Variants in STEAP1B observed in about 807,000 individuals in gnomAD.
STEAP1B encodes STEAP family member 1B.
In STEAP1B, 13 loss-of-function variants were observed where a neutral mutation model predicts 27.9. The observed-to-expected ratio is 0.47, with a 90% CI of 0.30 to 0.74. The LOEUF is 0.74. Among genes scored for constraint, STEAP1B ranks in the 30% least tolerant of loss-of-function variants. The pLI is 0.06. For missense variants in STEAP1B, 250 were observed against 298.7 expected (o/e 0.84, Z 1.20); for synonymous variants, 86 against 107.1 (o/e 0.80, Z 1.22).
intron 4 of STEAP1B, among the ~76,000 whole-genome samples, chr7:22,435,500 C>A (rs1184026335): frequency 6.6e-6 from 1 of 152,068 alleles, no homozygotes; most frequent in African/African-American, 2.4e-5. Context: ...TATTGACAAC[C>A]CTCCATCAGT....
chr7:22,467,638 T>C (rs1047140495), intron 4 of STEAP1B, among the ~76,000 whole-genome samples: 1 of 152,200 alleles, frequency 6.6e-6, no homozygotes, highest in African/African-American at 2.4e-5. Context: ...GATCATTTTA[T>C]AAGGGGAAAC....
chr7:22,477,360 T>A (rs576362558), intron 4 of STEAP1B, among the ~76,000 whole-genome samples: 1 of 152,200 alleles, frequency 6.6e-6, no homozygotes, highest in East Asian at 1.9e-4. Flanking sequence ...ACCCAACTCT[T>A]TCCCCCTCCA....
chr7:22,460,738 A>G (rs1398050389), intron 4 of STEAP1B, among the ~76,000 whole-genome samples: 1 of 152,202 alleles, frequency 6.6e-6, no homozygotes, highest in Non-Finnish European at 1.5e-5. Flanking sequence ...ACCAAAAGCC[A>G]TCACACTCAC....
At chr7:22,443,154 A>C (rs1413567574) in intron 4 of STEAP1B, among the ~76,000 whole-genome samples, 2 of 152,190 alleles carry the variant, frequency 1.3e-5, no homozygotes, top group Non-Finnish European at 2.9e-5. Flanking sequence ...GTTTACCACA[A>C]TAAATCTCCT....
chr7:22,424,636 T>A (rs1785083956), intron 4 of STEAP1B, among the ~76,000 whole-genome samples: 1 of 152,166 alleles, frequency 6.6e-6, no homozygotes, highest in Non-Finnish European at 1.5e-5. Context: ...TTTGGCTAAA[T>A]AATTCCACTA....
chr7:22,474,847 C>T (rs1484213645), intron 4 of STEAP1B, among the ~76,000 whole-genome samples: 1 of 152,180 alleles, frequency 6.6e-6, no homozygotes, highest in East Asian at 1.9e-4. Context: ...TGGACAGCTC[C>T]CATTCCAGTG....
At chr7:22,467,559 A>G (rs2128409754) in intron 4 of STEAP1B, among the ~76,000 whole-genome samples, 1 of 152,292 alleles carries the variant, frequency 6.6e-6, no homozygotes, top group Non-Finnish European at 1.5e-5. Flanking sequence ...CCAGTGGGAG[A>G]TAATTGAATT....
intron 4 of STEAP1B, 30 bp downstream of exon 4, chr7:22,492,535 C>T (rs1242543373): frequency 7.8e-6 from 12 of 1,542,500 alleles, no homozygotes; most frequent in Non-Finnish European, 1.0e-5. Flanking sequence ...AGAAGATTTA[C>T]CTCTTAGGGT....
At chr7:22,454,139 G>T (rs1785533076) in intron 4 of STEAP1B, among the ~76,000 whole-genome samples, 1 of 152,298 alleles carries the variant, frequency 6.6e-6, no homozygotes, top group East Asian at 1.9e-4. Flanking sequence ...AATAACAAGG[G>T]ATTGGCTAGT....
chr7:22,496,717 G>A (rs1786448339), intron 1 of STEAP1B, among the ~76,000 whole-genome samples: 1 of 152,136 alleles, frequency 6.6e-6, no homozygotes, highest in Admixed American at 6.5e-5. Context: ...TATGTAGGAG[G>A]CTGTACCATC....
chr7:22,463,567 T>A (rs1735752312), intron 4 of STEAP1B, among the ~76,000 whole-genome samples: 1 of 152,190 alleles, frequency 6.6e-6, no homozygotes, highest in African/African-American at 2.4e-5. Flanking sequence ...ACTACAAGGC[T>A]ACGGTACCCA....
intron 4 of STEAP1B, among the ~76,000 whole-genome samples, chr7:22,450,094 T>C (rs1375709746): frequency 6.6e-6 from 1 of 152,232 alleles, no homozygotes; most frequent in Non-Finnish European, 1.5e-5. Context: ...GTGGGTTGTC[T>C]TTTTGTTGTG....
At chr7:22,470,209 C>A (rs1472026905) in intron 4 of STEAP1B, among the ~76,000 whole-genome samples, 1 of 152,012 alleles carries the variant, frequency 6.6e-6, no homozygotes, top group Admixed American at 6.6e-5. Context: ...TCTTGTGGTG[C>A]AGGAAGTAAA....
At chr7:22,419,962 AG>A in intron 4 of STEAP1B, 126 bp from the exon 5 acceptor site, 1 of 1,128,060 alleles carries the variant, frequency 8.9e-7, no homozygotes, top group Non-Finnish European at 1.2e-6. Context: ...TAAAGTCACC[AG>A]GGAGTCAGGG....
At chr7:22,438,104 T>C (rs1156230140) in intron 4 of STEAP1B, among the ~76,000 whole-genome samples, 1 of 152,222 alleles carries the variant, frequency 6.6e-6, no homozygotes, top group Non-Finnish European at 1.5e-5. Context: ...AGAAGGTTTT[T>C]ACTTTACCTG....
At chr7:22,458,431 G>C (rs994694955) in intron 4 of STEAP1B, among the ~76,000 whole-genome samples, 7 of 151,784 alleles carry the variant, frequency 4.6e-5, no homozygotes, top group African/African-American at 1.7e-4. Context: ...GTGGCCTGAA[G>C]CCACTTATAC....
intron 4 of STEAP1B, among the ~76,000 whole-genome samples, chr7:22,441,578 C>T (rs970486537): frequency 3.3e-5 from 5 of 152,210 alleles, no homozygotes; most frequent in South Asian, 2.1e-4. Flanking sequence ...GACTCTGTAC[C>T]GCTCTCCAAA....
Position 22,486,018 on chromosome 7 carries a change from ACT to A in STEAP1B, c.762+6545_762+6546del, listed in dbSNP as rs113580103. 2.9e-4 allele frequency among the ~76,000 whole-genome samples: 44 copies of A among 152,290 alleles called. 1 individual carries two copies. The highest frequency in any genetic ancestry group is 3.4e-3 in the Middle Eastern group (1 of 294). ...TGCCTGGCATACGTAAGCCTGCCAC[ACT>A]CAGTGGTTCTCAAACTCGGTTGCAC... On this transcript the variant is annotated intron_variant, in intron 4 of 4. Coordinates refer to ENST00000678116, the MANE Select transcript of STEAP1B (RefSeq NM_001382447.1).
intron 4 of STEAP1B, among the ~76,000 whole-genome samples, chr7:22,479,024 G>C (rs1051293688): frequency 2.6e-5 from 4 of 152,164 alleles, no homozygotes; most frequent in Non-Finnish European, 5.9e-5. Flanking sequence ...GAAGGGCCGA[G>C]TGGGGTACCT....
Sources: allele counts gnomAD v4.1 joint callset (sites outside exome capture counted in the v4.1 genomes callset), GRCh38; gene constraint gnomAD v4.1.1; transcripts MANE v1.5; gene names NCBI Gene and HGNC (gene_info 2026-07-23, HGNC 2026-07-21).